TULP4: variants seen among roughly 807,000 people sequenced by gnomAD.
TULP4 encodes tubby-related protein 4.
Under a neutral mutation model 129.0 loss-of-function variants are expected in TULP4, and 16 were observed. That is an observed-to-expected ratio of 0.12 (90% confidence interval 0.08 to 0.19). The LOEUF (loss-of-function observed/expected upper bound fraction) is 0.19, where lower values mean the gene tolerates loss of function less well. Ranked by LOEUF, TULP4 falls within the 10% of genes least tolerant of loss-of-function variation. The probability of loss-of-function intolerance (pLI) is 1.00; values close to 1 mark genes in which losing one functional copy is unlikely to be tolerated. For missense variants in TULP4, 1,842 were observed against 2,059.1 expected, an observed-to-expected ratio of 0.89 and a Z score of 2.04; for synonymous variants, 998 against 854.0, an observed-to-expected ratio of 1.17 and a Z score of -2.94.
chr6:158,286,288 C>T (rs930792003), intron 1 of TULP4, among the ~76,000 whole-genome samples: 3 of 152,114 alleles, frequency 2.0e-5, no homozygotes, highest in Non-Finnish European at 4.4e-5. Flanking sequence ...ATCAATTGTA[C>T]CTTTCTTTGT....
rs2128482768 is a variant in TULP4 at position 158,313,044 on chromosome 6, C to T, written c.-973C>T. The T allele has an allele frequency of 6.4e-6, 1 of 156,546 alleles. No individual in the cohort carries two copies. The highest frequency in any genetic ancestry group is 2.4e-5 in the African/African-American group (1 of 41,770). The allele number at this position is 156,546 out of a possible 1,614,324, so 9.7% of individuals were successfully genotyped here. ...TAGGAGCAGAAAAGGGGAGTGCTAACTGGGGGAGCGAGAAGGGAGACGAGC... is the reference window on the plus strand; with the variant it reads ...TAGGAGCAGAAAAGGGGAGTGCTAATTGGGGGAGCGAGAAGGGAGACGAGC... On this transcript the variant is annotated 5_prime_UTR_variant, in exon 1 of 14. Transcript: ENST00000367097.
intron 3 of TULP4, among the ~76,000 whole-genome samples, chr6:158,448,028 T>C (rs2115128292): frequency 6.6e-6 from 1 of 152,312 alleles, no homozygotes; most frequent in Admixed American, 6.5e-5. Context: ...CCAAGATTCC[T>C]CTCAGGATGT....
intron 1 of TULP4, among the ~76,000 whole-genome samples, chr6:158,372,125 T>G (rs1340364373): frequency 2.9e-5 from 2 of 69,112 alleles, no homozygotes; most frequent in Non-Finnish European, 6.7e-5. Context: ...ATTTTCTAGT[T>G]TTTTTTTTTT....
chr6:158,458,413 G>A (rs1779342978), intron 5 of TULP4, among the ~76,000 whole-genome samples: 1 of 152,160 alleles, frequency 6.6e-6, no homozygotes, highest in East Asian at 1.9e-4. Context: ...TGCTTCCAGA[G>A]TACGGACCTC....
chr6:158,416,232 C>T (rs554249651), intron 2 of TULP4, among the ~76,000 whole-genome samples: 1 of 152,316 alleles, frequency 6.6e-6, no homozygotes, highest in South Asian at 2.1e-4. Flanking sequence ...AGTCCACTGA[C>T]TCAAATGTTA....
intron 1 of TULP4, among the ~76,000 whole-genome samples, chr6:158,254,528 AAGG>A (rs1778210775): frequency 6.6e-6 from 1 of 152,182 alleles, no homozygotes; most frequent in African/African-American, 2.4e-5. Context: ...CCTTTTCTCC[AAGG>A]AGTTTTTTTG....
intron 11 of TULP4, among the ~76,000 whole-genome samples, chr6:158,498,091 C>T (rs1400975438): frequency 2.0e-5 from 3 of 152,194 alleles, no homozygotes; most frequent in Admixed American, 6.5e-5. Flanking sequence ...AAAAAAACAA[C>T]TGTGTGGAAA....
chr6:158,423,126 G>T (rs1002445147), intron 2 of TULP4, among the ~76,000 whole-genome samples: 24 of 149,526 alleles, frequency 1.6e-4, no homozygotes, highest in Non-Finnish European at 3.1e-4. Flanking sequence ...AAAAAGAGGG[G>T]GGGGGGGGGA....
intron 1 of TULP4, among the ~76,000 whole-genome samples, chr6:158,372,981 G>A (rs1365660601): frequency 6.6e-6 from 1 of 152,204 alleles, no homozygotes; most frequent in African/African-American, 2.4e-5. Context: ...TTAGCATTGT[G>A]TATCAGCATG....
intron 6 of TULP4, among the ~76,000 whole-genome samples, chr6:158,466,262 C>T (rs1323594131): frequency 6.6e-6 from 1 of 152,108 alleles, no homozygotes; most frequent in Non-Finnish European, 1.5e-5. Flanking sequence ...TCCATTCAGT[C>T]GATAGGGGGC....
chr6:158,450,929 G>A (rs1438347830), intron 4 of TULP4, among the ~76,000 whole-genome samples: 3 of 152,058 alleles, frequency 2.0e-5, no homozygotes, highest in Non-Finnish European at 4.4e-5. Flanking sequence ...GCCAAGCATG[G>A]TGGTGGGCAC....
At chr6:158,308,115 G>T (rs1159467075), upstream of TULP4, among the ~76,000 whole-genome samples, 1 of 126,974 alleles carries the variant, frequency 7.9e-6, no homozygotes, top group African/African-American at 2.9e-5. Context: ...AGTGAACAAA[G>T]GTCTCTGGTT....
At chr6:158,442,635 C>G (rs1350952731) in intron 3 of TULP4, among the ~76,000 whole-genome samples, 1 of 152,134 alleles carries the variant, frequency 6.6e-6, no homozygotes, top group Non-Finnish European at 1.5e-5. Flanking sequence ...GTGTGCCTTT[C>G]TTCCTCATTC....
intron 1 of TULP4, among the ~76,000 whole-genome samples, chr6:158,295,973 T>C (rs1177053952): frequency 1.3e-5 from 2 of 152,186 alleles, no homozygotes; most frequent in East Asian, 3.9e-4. Flanking sequence ...ACCCCCCAAA[T>C]AAGCAACATG....
chr6:158,261,949 C>G (rs1778359910), intron 1 of TULP4, among the ~76,000 whole-genome samples: 1 of 152,160 alleles, frequency 6.6e-6, no homozygotes, highest in Non-Finnish European at 1.5e-5. Context: ...CTGGAAGCTC[C>G]CTCTTCACCT....
chr6:158,325,916 C>T (rs1779737048), intron 1 of TULP4, among the ~76,000 whole-genome samples: 1 of 148,308 alleles, frequency 6.7e-6, no homozygotes, highest in East Asian at 2.0e-4. Context: ...ACCTGTTGTC[C>T]TGGCCACTTA....
In TULP4 at chr6:158,439,559, C is replaced by G. The variant is rs1453478746; in HGVS notation, c.544-9437C>G. The stretch of plus-strand genomic sequence containing the variant: ...TCCAGGAGCCTGCTGGTTTTGAATC[C>G]TGATGCACCTGGTCTTTTAAGATTG... On this transcript the variant is annotated intron_variant, in intron 3 of 13. Transcript: ENST00000367097. Among the ~76,000 whole-genome samples the G allele has an allele frequency of 2.0e-5, 3 of 152,124 alleles. No homozygotes were observed. The East Asian group carries it at 5.8e-4, about 29-fold the overall frequency.
intron 1 of TULP4, among the ~76,000 whole-genome samples, chr6:158,306,548 C>G (rs1225236704): frequency 6.6e-6 from 1 of 152,134 alleles, no homozygotes; most frequent in East Asian, 1.9e-4. Flanking sequence ...GAGAGTGAGA[C>G]TCCTTTTCAA....
Position 158,423,123 on chromosome 6 carries a change from G to GT in TULP4, c.382-6613_382-6612insT, listed in dbSNP as rs1491103109. Among the ~76,000 whole-genome samples, 5 of 8,798 alleles carry GT rather than the reference G, an allele frequency of 5.7e-4. No homozygotes were observed. The South Asian group carries it at 0.049, about 86-fold the overall frequency. 5.8% of individuals were successfully genotyped at this position (8,798 alleles called of 152,430 possible). A position where few individuals can be genotyped will look rare whatever the true frequency, so the allele number is the denominator to read the frequency against. ...AAGACCCCTTCCTCCACAAAAAAGA[G>GT]GGGGGGGGGGGGAAAGAAACCTTCC... is the stretch of plus-strand genomic sequence containing the variant. On this transcript the variant is annotated intron_variant, in intron 2 of 13. Coordinates refer to ENST00000367097, the MANE Select transcript of TULP4 (RefSeq NM_020245.5).
Sources: gnomAD v4.1 joint callset for allele counts (sites outside exome capture counted in the v4.1 genomes callset) on GRCh38, gnomAD v4.1.1 for gene constraint, MANE v1.5 for transcripts, NCBI Gene and HGNC (gene_info 2026-07-23, HGNC 2026-07-21) for gene names.